GABRG3: variants seen among roughly 807,000 people sequenced by gnomAD.
GABRG3 encodes the protein gamma-aminobutyric acid receptor subunit gamma-3.
A neutral mutation model predicts 48.8 loss-of-function variants in GABRG3; 25 were observed. That is an observed-to-expected ratio of 0.51 (90% CI 0.37 to 0.72). The LOEUF is 0.72. Ranked by LOEUF, GABRG3 falls within the 30% of genes least tolerant of loss-of-function variation. GABRG3 has a pLI of 0.00. For synonymous variants in GABRG3, 227 were observed against 217.6 expected, an observed-to-expected ratio of 1.04 and a Z score of -0.38; for missense variants, 394 against 577.9, an observed-to-expected ratio of 0.68 and a Z score of 3.26.
chr15:27,245,399 A>G (rs148870309), intron 3 of GABRG3, among the ~76,000 whole-genome samples: 33 of 152,344 alleles, frequency 2.2e-4, no homozygotes, highest in African/African-American at 7.7e-4. Flanking sequence ...AATTAATTTT[A>G]GATAAATGGT....
intron 3 of GABRG3, among the ~76,000 whole-genome samples, chr15:27,102,858 T>C (rs1897384901): frequency 6.6e-6 from 1 of 152,152 alleles, no homozygotes; most frequent in Non-Finnish European, 1.5e-5. Context: ...TCCATAGTAC[T>C]CCCCCAAGTA....
chr15:27,309,223 A>AT (rs1892908660), intron 3 of GABRG3, among the ~76,000 whole-genome samples: 1 of 151,288 alleles, frequency 6.6e-6, no homozygotes, highest in South Asian at 2.1e-4. Context: ...ATAGAAACAT[A>AT]ATGTAAACAT....
At chr15:27,039,923 G>A (rs1252823377) in intron 3 of GABRG3, among the ~76,000 whole-genome samples, 1 of 152,226 alleles carries the variant, frequency 6.6e-6, no homozygotes, top group African/African-American at 2.4e-5. Context: ...AGGAGAATCT[G>A]CCTCTTATTT....
chr15:27,305,696 TAA>T (rs1303104775), intron 3 of GABRG3, among the ~76,000 whole-genome samples: 2 of 72,740 alleles, frequency 2.7e-5, no homozygotes, highest in African/African-American at 9.9e-5. Flanking sequence ...TAAACATATA[TAA>T]TATAAACCTA....
intron 6 of GABRG3, among the ~76,000 whole-genome samples, chr15:27,490,760 T>G (rs1331586624): frequency 6.6e-6 from 1 of 152,180 alleles, no homozygotes; most frequent in Non-Finnish European, 1.5e-5. Context: ...CGGATGTTGC[T>G]CAGTTCCCAC....
intron 3 of GABRG3, among the ~76,000 whole-genome samples, chr15:27,202,165 C>A (rs891210398): frequency 6.6e-6 from 1 of 152,168 alleles, no homozygotes; most frequent in African/African-American, 2.4e-5. Context: ...TCATACATTT[C>A]TCTATAATCA....
chr15:27,464,825 G>A (rs776223300), intron 5 of GABRG3, among the ~76,000 whole-genome samples: 5 of 152,168 alleles, frequency 3.3e-5, no homozygotes, highest in African/African-American at 4.8e-5. Context: ...TATTGTTGAC[G>A]TGTGAAAGTT....
intron 5 of GABRG3, among the ~76,000 whole-genome samples, chr15:27,435,545 AT>A (rs2140627229): frequency 6.6e-6 from 1 of 152,274 alleles, no homozygotes; most frequent in South Asian, 2.1e-4. Flanking sequence ...CTGTTTTTAA[AT>A]TGTCTGTCTC....
rs369370392 is a variant in GABRG3 at position 27,347,017 on chromosome 15, G to GTTTTT, written c.574+18131_574+18135dup. 3.5e-3 allele frequency among the ~76,000 whole-genome samples: 530 copies of GTTTTT among 151,644 alleles called. 1 individual carries two copies. The highest frequency in any genetic ancestry group is 0.01 in the Middle Eastern group (3 of 294). On this transcript the variant is annotated intron_variant, in intron 5 of 9. Transcript: ENST00000615808. Reference sequence around the variant, plus strand: ...TTTTGTCTTTCTGGCATGCCTTATAGTTTTTTAAAGCTAGACACACCGTGA... The same window carrying GTTTTT: ...TTTTGTCTTTCTGGCATGCCTTATAGTTTTTTTTTTTAAAGCTAGACACACCGTGA...
chr15:27,196,395 T>C (rs1888497595), intron 3 of GABRG3, among the ~76,000 whole-genome samples: 2 of 152,186 alleles, frequency 1.3e-5, no homozygotes, highest in African/African-American at 4.8e-5. Flanking sequence ...CTGTGCTCGC[T>C]GTGAGCTGCT....
intron 3 of GABRG3, among the ~76,000 whole-genome samples, chr15:27,045,815 C>T (rs1896353001): frequency 6.6e-6 from 1 of 152,212 alleles, no homozygotes; most frequent in African/African-American, 2.4e-5. Flanking sequence ...CAGGTCTTTC[C>T]TCCGGAGGCA....
intron 5 of GABRG3, among the ~76,000 whole-genome samples, chr15:27,333,831 C>T (rs1313765052): frequency 6.6e-6 from 1 of 152,070 alleles, no homozygotes; most frequent in Non-Finnish European, 1.5e-5. Context: ...AAAATCATTC[C>T]CCAGTGAATT....
chr15:27,287,562 A>G (rs962795645), intron 3 of GABRG3, among the ~76,000 whole-genome samples: 2 of 152,122 alleles, frequency 1.3e-5, no homozygotes, highest in Non-Finnish European at 2.9e-5. Context: ...TTATAATTAT[A>G]CCATTTTAAC....
chr15:27,012,400 C>G (rs558847502), intron 2 of GABRG3, among the ~76,000 whole-genome samples: 1 of 152,196 alleles, frequency 6.6e-6, no homozygotes, highest in South Asian at 2.1e-4. Context: ...TCATAATGTT[C>G]ATCATTCTTG....
chr15:27,099,563 A>G (rs181301335), intron 3 of GABRG3, among the ~76,000 whole-genome samples: 128 of 152,326 alleles, frequency 8.4e-4, no homozygotes, highest in African/African-American at 2.9e-3. Context: ...TCCAAATGCA[A>G]TGACACTCTA....
intron 3 of GABRG3, among the ~76,000 whole-genome samples, chr15:27,083,910 G>GT (rs1036861432): frequency 6.6e-6 from 1 of 152,170 alleles, no homozygotes; most frequent in African/African-American, 2.4e-5. Flanking sequence ...TGCTGTGAAG[G>GT]TAAGCTGCCA....
At chr15:27,426,657 A>G (rs910264528) in intron 5 of GABRG3, among the ~76,000 whole-genome samples, 2 of 152,108 alleles carry the variant, frequency 1.3e-5, no homozygotes, top group Non-Finnish European at 2.9e-5. Flanking sequence ...TACCAAAATA[A>G]ATAAATAAAA....
chr15:27,338,802 T>C (rs1244798188), intron 5 of GABRG3, among the ~76,000 whole-genome samples: 1 of 152,212 alleles, frequency 6.6e-6, no homozygotes, highest in Non-Finnish European at 1.5e-5. Context: ...CACTAATACC[T>C]CCTTTCTTCC....
intron 2 of GABRG3, among the ~76,000 whole-genome samples, chr15:27,013,467 T>C (rs1322693772): frequency 1.3e-5 from 2 of 152,158 alleles, no homozygotes; most frequent in African/African-American, 2.4e-5. Flanking sequence ...AATGATCTTT[T>C]CCAATGTTTT....
Sources: gnomAD v4.1 joint callset for allele counts (sites outside exome capture counted in the v4.1 genomes callset) on GRCh38, gnomAD v4.1.1 for gene constraint, MANE v1.5 for transcripts, NCBI Gene and HGNC (gene_info 2026-07-23, HGNC 2026-07-21) for gene names.